Variants in CMTM4 observed in about 807,000 individuals in gnomAD.
CMTM4 encodes CKLF-like MARVEL transmembrane domain-containing protein 4.
In CMTM4, 8 loss-of-function variants were observed where a neutral mutation model predicts 19.0. That is an observed-to-expected ratio of 0.42 (90% CI 0.25 to 0.76). The LOEUF (loss-of-function observed/expected upper bound fraction) is 0.76. CMTM4 is among the 30% of genes least tolerant of loss of function. The pLI is 0.27. For synonymous variants in CMTM4, 106 were observed against 121.1 expected (o/e 0.88, Z 0.82); for missense variants, 228 against 290.2 (o/e 0.79, Z 1.56).
rs541459159 is a variant in CMTM4 at position 66,677,495 on chromosome 16, G to C, written c.186+18845C>G. On this transcript the variant is annotated intron_variant, in intron 1 of 3. Transcript: ENST00000394106. ...GTGGAGAGAATCTGAATGGGAAAGT[G>C]ACTGGACCAGAACCTGGCTAAATTA... Among the ~76,000 whole-genome samples, 3 of 152,364 alleles carry C rather than the reference G, an allele frequency of 2.0e-5. No individual in the cohort carries two copies. The South Asian group carries it at 6.2e-4, about 32-fold the overall frequency.
intron 1 of CMTM4, among the ~76,000 whole-genome samples, chr16:66,685,471 G>C (rs1032711687): frequency 6.6e-6 from 1 of 151,882 alleles, no homozygotes; most frequent in Non-Finnish European, 1.5e-5. Flanking sequence ...TAGGCCACAC[G>C]TGTGGTGCAG....
intron 1 of CMTM4, among the ~76,000 whole-genome samples, chr16:66,647,238 C>T (rs763890103): frequency 9.4e-5 from 14 of 149,344 alleles, no homozygotes; most frequent in Non-Finnish European, 1.9e-4. Flanking sequence ...GCAGGAGAAT[C>T]GCTTGAAATG....
intron 1 of CMTM4, among the ~76,000 whole-genome samples, chr16:66,668,130 T>G (rs1567424426): frequency 6.6e-6 from 1 of 151,600 alleles, no homozygotes; most frequent in Non-Finnish European, 1.5e-5. Flanking sequence ...GCCTCCTGAG[T>G]AGCTAGGACT....
rs2015617005 is a variant in CMTM4, at chr16:66,620,785, C to T, written c.*1273G>A. ...AACAGTTCAAAGAGGGAAAACCTGA[C>T]AAACTAAAACAACTTTTTTCCATAA... On this transcript the variant is annotated 3_prime_UTR_variant, in exon 4 of 4. Coordinates refer to ENST00000394106, the MANE Select transcript of CMTM4 (RefSeq NM_181521.3). 2.0e-6 allele frequency: 2 copies of T among 985,590 alleles called. No individual in the cohort carries two copies. Among genetic ancestry groups the T allele is most frequent in the Non-Finnish European group, 2.4e-6 (2 of 829,906 alleles). 61.1% of individuals were successfully genotyped at this position (985,590 alleles called of 1,614,324 possible). A position where few individuals can be genotyped will look rare whatever the true frequency, so the allele number is the denominator to read the frequency against.
chr16:66,630,850 G>T (rs959944202), intron 2 of CMTM4, among the ~76,000 whole-genome samples: 20 of 151,726 alleles, frequency 1.3e-4, no homozygotes, highest in African/African-American at 4.4e-4. Context: ...TCTAGGAAGT[G>T]AGGAGCGTCT....
At chr16:66,649,192 C>G (rs2016262581) in intron 1 of CMTM4, among the ~76,000 whole-genome samples, 1 of 152,104 alleles carries the variant, frequency 6.6e-6, no homozygotes, top group South Asian at 2.1e-4. Flanking sequence ...GCACTACAGT[C>G]CCAGCAATAG....
the CMTM4 span, among the ~76,000 whole-genome samples, chr16:66,606,015 T>G: frequency 1.3e-5 from 2 of 150,910 alleles, no homozygotes; most frequent in Non-Finnish European, 3.0e-5. Context: ...GTCCCCAGAG[T>G]GGCTTGAACC....
At chr16:66,609,579 CCT>C in the CMTM4 span, 1 of 1,543,732 alleles carries the variant, frequency 6.5e-7, no homozygotes. This position sits in a 1 kb window ranked among gnomAD's most constrained non-coding sequence, Gnocchi z 4.4. Flanking sequence ...CCCTCTAGCC[CCT>C]CATTTAGGGT....
intron 1 of CMTM4, among the ~76,000 whole-genome samples, chr16:66,667,656 G>A (rs867045032): frequency 4.6e-5 from 7 of 152,308 alleles, no homozygotes; most frequent in Middle Eastern, 3.4e-3. Context: ...TTGGGAGGCC[G>A]AGGTGGGCAG....
intron 1 of CMTM4, among the ~76,000 whole-genome samples, chr16:66,655,069 C>T (rs1275707629): frequency 3.3e-5 from 5 of 152,060 alleles, no homozygotes; most frequent in African/African-American, 4.8e-5. Flanking sequence ...CTACAACCTC[C>T]GCCACCCAGG....
chr16:66,600,194 G>A, the CMTM4 span, among the ~76,000 whole-genome samples: 1 of 146,822 alleles, frequency 6.8e-6, no homozygotes. Flanking sequence ...CCAGGCTGGA[G>A]TGCAGTGGCA....
Position 66,621,323 on chromosome 16 carries a change from TC to T in CMTM4, c.*734del, listed in dbSNP as rs1281316727. The stretch of plus-strand genomic sequence containing the variant: ...ATGACTGAAAATCTGCAATTCAGCC[TC>T]AAAGTATTTAGGGTAGGCAGGAAAC... On this transcript the variant is annotated 3_prime_UTR_variant, in exon 4 of 4. Coordinates refer to ENST00000394106, the MANE Select transcript of CMTM4 (RefSeq NM_181521.3). The T allele has an allele frequency of 1.0e-6, 1 of 985,508 alleles. No individual in the cohort carries two copies. The highest frequency in any genetic ancestry group is 1.2e-6 in the Non-Finnish European group (1 of 829,934). 61.0% of individuals were successfully genotyped at this position (985,508 alleles called of 1,614,324 possible). A position where few individuals can be genotyped will look rare whatever the true frequency, so the allele number is the denominator to read the frequency against.
Position 66,672,463 on chromosome 16 carries a change from G to C in CMTM4, c.186+23877C>G, listed in dbSNP as rs1350016685. 7.4e-5 allele frequency among the ~76,000 whole-genome samples: 11 copies of C among 148,718 alleles called. No homozygotes were observed. In the Admixed American group the frequency reaches 7.4e-4, roughly 10 times the overall value. ...AATGACCAGAACCGTAATTACTTTT[G>C]CAACAACTTATATATATATAATATG... On this transcript the variant is annotated intron_variant, in intron 1 of 3. Transcript: ENST00000394106.
chr16:66,630,500 G>C (rs1421423987), intron 2 of CMTM4, among the ~76,000 whole-genome samples: 2 of 151,882 alleles, frequency 1.3e-5, no homozygotes, highest in Non-Finnish European at 2.9e-5. Context: ...CGCCACGCCT[G>C]ACTGGTTTTC....
At position 66,620,967 on chromosome 16, in the gene CMTM4, T is replaced by A; in HGVS notation, c.*1091A>T. ...CCCCCAACAACTCCCAAGAATGATG[T>A]CTACAGTTATGACACTGAGGCGCCC... On this transcript the variant is annotated 3_prime_UTR_variant, in exon 4 of 4. Coordinates refer to ENST00000394106, the MANE Select transcript of CMTM4 (RefSeq NM_181521.3). 1 of 985,862 alleles carries A rather than the reference T, an allele frequency of 1.0e-6. No homozygotes were observed. The highest frequency in any genetic ancestry group is 1.2e-6 in the Non-Finnish European group (1 of 829,938). 61.1% of individuals were successfully genotyped at this position (985,862 alleles called of 1,614,324 possible).
At chr16:66,631,491 G>A (rs2015870463) in intron 2 of CMTM4, among the ~76,000 whole-genome samples, 1 of 152,338 alleles carries the variant, frequency 6.6e-6, no homozygotes, top group South Asian at 2.1e-4. Flanking sequence ...AATAGAAAAG[G>A]GGGAAAGGTG....
At chr16:66,604,904 G>T in the CMTM4 span, 1 of 1,462,192 alleles carries the variant, frequency 6.8e-7, no homozygotes, top group East Asian at 3.0e-5. Flanking sequence ...TGCTGCCGGC[G>T]CGGGCTTTCC....
chr16:66,606,633 G>A, the CMTM4 span, among the ~76,000 whole-genome samples: 1 of 152,152 alleles, frequency 6.6e-6, no homozygotes, highest in African/African-American at 2.4e-5. Flanking sequence ...ATGTTCAAAC[G>A]CAGCCACAGT....
the CMTM4 span, among the ~76,000 whole-genome samples, chr16:66,607,763 G>A: frequency 5.9e-5 from 9 of 152,124 alleles, no homozygotes; most frequent in Non-Finnish European, 1.2e-4. Flanking sequence ...GAGCTGGGGT[G>A]GGGTAAGGTG....
Sources: allele counts gnomAD v4.1 joint callset (sites outside exome capture counted in the v4.1 genomes callset), GRCh38; gene constraint gnomAD v4.1.1; non-coding constraint Gnocchi (gnomAD v3.1); transcripts MANE v1.5; gene names NCBI Gene and HGNC (gene_info 2026-07-23, HGNC 2026-07-21).